Variants in NLK observed in about 807,000 individuals in gnomAD.
The protein encoded by NLK is serine/threonine-protein kinase NLK.
NLK carries 11 observed loss-of-function variants against 59.0 expected under a neutral mutation model. That is an observed-to-expected ratio of 0.19 (90% confidence interval 0.12 to 0.31). The LOEUF (loss-of-function observed/expected upper bound fraction) is 0.31. Ranked by LOEUF, NLK falls within the 10% of genes least tolerant of loss-of-function variation. NLK has a pLI of 1.00. For missense variants in NLK, 410 were observed against 661.1 expected (o/e 0.62, Z 4.16); for synonymous variants, 235 against 235.9 (o/e 1.00, Z 0.03).
intron 1 of NLK, among the ~76,000 whole-genome samples, chr17:28,053,865 A>G (rs1006313812): frequency 1.3e-5 from 2 of 152,196 alleles, no homozygotes; most frequent in Admixed American, 1.3e-4. Context: ...GTTAATTGAA[A>G]TAAGCCAGGT....
At chr17:28,187,921 T>C (rs1230291144) in intron 8 of NLK, among the ~76,000 whole-genome samples, 1 of 152,170 alleles carries the variant, frequency 6.6e-6, no homozygotes, top group Non-Finnish European at 1.5e-5. Flanking sequence ...GAAATTAGGC[T>C]GAGCATAGGG....
chr17:28,079,706 A>G (rs1910280832), intron 1 of NLK, among the ~76,000 whole-genome samples: 1 of 152,098 alleles, frequency 6.6e-6, no homozygotes, highest in Non-Finnish European at 1.5e-5. Flanking sequence ...TTGAGTTGTC[A>G]GAGTTCCTTG....
intron 1 of NLK, among the ~76,000 whole-genome samples, chr17:28,046,477 T>C (rs906440398): frequency 7.2e-5 from 11 of 152,194 alleles, no homozygotes; most frequent in Non-Finnish European, 1.6e-4. Flanking sequence ...TATCAAGATA[T>C]CATATACAAT....
At chr17:28,070,617 C>T (rs1425726061) in intron 1 of NLK, among the ~76,000 whole-genome samples, 2 of 151,892 alleles carry the variant, frequency 1.3e-5, no homozygotes, top group South Asian at 4.2e-4. Context: ...TCCCAAAGTG[C>T]TGGGATTACA....
intron 5 of NLK, among the ~76,000 whole-genome samples, chr17:28,164,044 G>A (rs1908119397): frequency 1.3e-5 from 2 of 152,138 alleles, no homozygotes; most frequent in South Asian, 4.1e-4. Flanking sequence ...TTTGACCAAG[G>A]TAGCAAAGTA....
intron 3 of NLK, among the ~76,000 whole-genome samples, chr17:28,138,310 A>G (rs557600803): frequency 3.3e-5 from 5 of 152,348 alleles, no homozygotes; most frequent in African/African-American, 4.8e-5. Flanking sequence ...GCTAGAAGCA[A>G]TTACATTCTA....
chr17:28,203,440 G>A, the NLK span, among the ~76,000 whole-genome samples: 1 of 152,158 alleles, frequency 6.6e-6, no homozygotes, highest in Non-Finnish European at 1.5e-5. Context: ...ACGGGAGAAT[G>A]AAGAAAAGAA....
intron 1 of NLK, among the ~76,000 whole-genome samples, chr17:28,095,602 A>G (rs1016959458): frequency 6.6e-6 from 1 of 152,166 alleles, no homozygotes; most frequent in African/African-American, 2.4e-5. Flanking sequence ...AGGTGCCAAT[A>G]TTATTACTGA....
At chr17:28,051,697 C>G (rs1280417939) in intron 1 of NLK, among the ~76,000 whole-genome samples, 5 of 149,998 alleles carry the variant, frequency 3.3e-5, no homozygotes, top group Non-Finnish European at 7.4e-5. Context: ...GATTACTAAA[C>G]TAAACTTGTT....
chr17:28,111,357 T>G (rs1367358917), intron 1 of NLK, among the ~76,000 whole-genome samples: 1 of 151,992 alleles, frequency 6.6e-6, no homozygotes, highest in Non-Finnish European at 1.5e-5. Flanking sequence ...TGGCTAATTT[T>G]TTTTTTTTTT....
chr17:28,089,893 A>AT (rs542270674), intron 1 of NLK, among the ~76,000 whole-genome samples: 2 of 151,770 alleles, frequency 1.3e-5, no homozygotes, highest in African/African-American at 2.4e-5. Flanking sequence ...TTGTGTGTGT[A>AT]TTTTTTTTAT....
chr17:28,130,560 A>G (rs1376307792), intron 2 of NLK, among the ~76,000 whole-genome samples: 21 of 152,192 alleles, frequency 1.4e-4, no homozygotes, highest in Admixed American at 3.9e-4. Flanking sequence ...GGAGTAAGAA[A>G]GCCTCATTCT....
chr17:28,170,911 G>A (rs1026766146), intron 6 of NLK, among the ~76,000 whole-genome samples: 1 of 152,184 alleles, frequency 6.6e-6, no homozygotes, highest in African/African-American at 2.4e-5. Flanking sequence ...GTTGGTGTGT[G>A]TTGGGGTGAG....
chr17:28,104,181 A>G (rs1904995618), intron 1 of NLK, among the ~76,000 whole-genome samples: 2 of 152,166 alleles, frequency 1.3e-5, no homozygotes, highest in African/African-American at 2.4e-5. Context: ...TCCAGTAAAA[A>G]TTGCTATATA....
intron 4 of NLK, among the ~76,000 whole-genome samples, chr17:28,162,401 G>A (rs1173660008): frequency 6.6e-6 from 1 of 152,154 alleles, no homozygotes; most frequent in Non-Finnish European, 1.5e-5. Context: ...GGGATGCTGA[G>A]GCGGGCAGAT....
chr17:28,081,781 A>G (rs778211693), intron 1 of NLK, among the ~76,000 whole-genome samples: 2 of 152,172 alleles, frequency 1.3e-5, no homozygotes, highest in Non-Finnish European at 2.9e-5. Context: ...CCCTAAGAAA[A>G]TCAACCTGCA....
intron 2 of NLK, among the ~76,000 whole-genome samples, chr17:28,126,343 A>T (rs947117501): frequency 6.6e-6 from 1 of 152,172 alleles, no homozygotes; most frequent in Non-Finnish European, 1.5e-5. Context: ...CAGGTATCTG[A>T]TTTTTTAAAG....
At position 28,057,461 on chromosome 17, in the gene NLK, T is replaced by C. The variant is rs1220373085; in HGVS notation, c.458+14130T>C. Among the ~76,000 whole-genome samples, 5 of 152,328 alleles carry C rather than the reference T, an allele frequency of 3.3e-5. No individual in the cohort carries two copies. In the East Asian group the frequency reaches 9.6e-4, roughly 29 times the overall value. On this transcript the variant is annotated intron_variant, in intron 1 of 10. Transcript: ENST00000407008. The stretch of plus-strand genomic sequence containing the variant: ...GGAATGCTATTCATTCTCTTAATAA[T>C]TAAAACAAAATTCAGTGTAAATCAA...
intron 4 of NLK, 55 bp downstream of exon 4, chr17:28,161,321 G>A: frequency 2.0e-6 from 2 of 983,452 alleles, no homozygotes; most frequent in East Asian, 2.4e-5. Flanking sequence ...GAAATGTTTT[G>A]CTTCTCATTT....
Sources: allele counts gnomAD v4.1 joint callset (sites outside exome capture counted in the v4.1 genomes callset), GRCh38; gene constraint gnomAD v4.1.1; transcripts MANE v1.5; gene names NCBI Gene and HGNC (gene_info 2026-07-23, HGNC 2026-07-21).